Variants in FARS2 observed in about 807,000 individuals in gnomAD.
FARS2 encodes the protein phenylalanine--tRNA ligase, mitochondrial.
A neutral mutation model predicts 46.4 loss-of-function variants in FARS2; 40 were observed. The ratio of observed to expected loss-of-function variants is 0.86; its 90% CI spans 0.67 to 1.12. The LOEUF (loss-of-function observed/expected upper bound fraction) is 1.12. Among genes scored for constraint, FARS2 ranks in the 50% most tolerant of loss-of-function variants. FARS2 has a pLI of 0.00. For missense variants in FARS2, 513 were observed against 567.9 expected, an observed-to-expected ratio of 0.90 and a Z score of 0.98; for synonymous variants, 234 against 214.9, an observed-to-expected ratio of 1.09 and a Z score of -0.78.
intron 1 of FARS2, among the ~76,000 whole-genome samples, chr6:5,355,196 T>G (rs1403397555): frequency 6.6e-6 from 1 of 152,134 alleles, no homozygotes; most frequent in Non-Finnish European, 1.5e-5. Flanking sequence ...ATTCTCTGTG[T>G]GATTCTTCCA....
chr6:5,523,805 G>A (rs1769295751), intron 4 of FARS2, among the ~76,000 whole-genome samples: 1 of 152,182 alleles, frequency 6.6e-6, no homozygotes, highest in African/African-American at 2.4e-5. Context: ...GGTTTGTCAG[G>A]TATGGATGAT....
At chr6:5,254,736 T>G in the FARS2 span, among the ~76,000 whole-genome samples, 1 of 152,200 alleles carries the variant, frequency 6.6e-6, no homozygotes, top group Non-Finnish European at 1.5e-5. Context: ...CAACTTGCCC[T>G]CTTCTCCTTC....
intron 4 of FARS2, among the ~76,000 whole-genome samples, chr6:5,438,098 T>C (rs1420420977): frequency 3.9e-5 from 6 of 152,042 alleles, no homozygotes. Context: ...GTCTTCTGCC[T>C]CTATAGTTCT....
chr6:5,567,563 G>A (rs971075993), intron 5 of FARS2, among the ~76,000 whole-genome samples: 3 of 152,120 alleles, frequency 2.0e-5, no homozygotes, highest in African/African-American at 7.2e-5. Context: ...TTGTCTTGCT[G>A]TTACTCTTCT....
intron 3 of FARS2, among the ~76,000 whole-genome samples, chr6:5,422,758 A>G (rs747311583): frequency 3.3e-5 from 5 of 152,212 alleles, no homozygotes; most frequent in South Asian, 2.1e-4. Context: ...AGTAAATGTC[A>G]GTTACCCAGG....
At chr6:5,367,509 G>T (rs995696709) in intron 1 of FARS2, among the ~76,000 whole-genome samples, 1 of 151,932 alleles carries the variant, frequency 6.6e-6, no homozygotes, top group Non-Finnish European at 1.5e-5. Flanking sequence ...GCCCTTTGCG[G>T]TTGTCTTATT....
chr6:5,520,610 A>C (rs559605242), intron 4 of FARS2, among the ~76,000 whole-genome samples: 31 of 152,316 alleles, frequency 2.0e-4, no homozygotes, highest in African/African-American at 6.7e-4. Flanking sequence ...TTCCTCTGTC[A>C]TCAGCGCATG....
chr6:5,655,779 T>C (rs1777578951), intron 6 of FARS2, among the ~76,000 whole-genome samples: 4 of 152,190 alleles, frequency 2.6e-5, no homozygotes, highest in Admixed American at 2.6e-4. Flanking sequence ...GAATTGGAGG[T>C]AGGTGTCTTT....
At chr6:5,584,820 A>G (rs1324257886) in intron 5 of FARS2, among the ~76,000 whole-genome samples, 2 of 152,238 alleles carry the variant, frequency 1.3e-5, no homozygotes, top group African/African-American at 2.4e-5. Context: ...TGTGAAATGC[A>G]TAATTAGAAA....
intron 3 of FARS2, among the ~76,000 whole-genome samples, chr6:5,417,300 T>TC (rs1762294104): frequency 2.6e-5 from 4 of 152,116 alleles, no homozygotes; most frequent in Admixed American, 2.6e-4. Flanking sequence ...CACTGCAGCC[T>TC]CCAAGTCCTG....
At position 5,696,718 on chromosome 6, in the gene FARS2, A is replaced by G. The variant is rs558486429; in HGVS notation, c.1218-74573A>G. Among the ~76,000 whole-genome samples, 202 of 152,354 alleles carry G rather than the reference A, an allele frequency of 1.3e-3. 1 individual carries two copies. The highest frequency in any genetic ancestry group is 2.2e-3 in the Non-Finnish European group (150 of 68,028). ...ACTGAGGACTGGAATTGAGGGTATT[A>G]TCTACTTTGCAGTTCATATGCATAC... On this transcript the variant is annotated intron_variant, in intron 6 of 6. Coordinates refer to ENST00000274680, the MANE Select transcript of FARS2 (RefSeq NM_006567.5).
intron 1 of FARS2, among the ~76,000 whole-genome samples, chr6:5,264,910 C>T (rs1429782089): frequency 6.6e-6 from 1 of 151,858 alleles, no homozygotes; most frequent in Non-Finnish European, 1.5e-5. Flanking sequence ...TTTCCTGCCT[C>T]AGCCTCCTGA....
At chr6:5,650,793 C>G (rs1331706540) in intron 6 of FARS2, among the ~76,000 whole-genome samples, 1 of 152,144 alleles carries the variant, frequency 6.6e-6, no homozygotes, top group African/African-American at 2.4e-5. Context: ...GGACACATTT[C>G]CAATAAACAA....
At chr6:5,715,161 G>A (rs1388971179) in intron 6 of FARS2, among the ~76,000 whole-genome samples, 2 of 152,136 alleles carry the variant, frequency 1.3e-5, no homozygotes, top group Non-Finnish European at 2.9e-5. Flanking sequence ...ACATTTGAGG[G>A]AACTAGGGTT....
At chr6:5,750,034 A>G (rs971092839) in intron 6 of FARS2, among the ~76,000 whole-genome samples, 4 of 152,282 alleles carry the variant, frequency 2.6e-5, no homozygotes, top group African/African-American at 9.6e-5. Flanking sequence ...TGTGGGCCAA[A>G]CATCATGCCA....
intron 2 of FARS2, among the ~76,000 whole-genome samples, chr6:5,394,672 T>G (rs1760784791): frequency 6.6e-6 from 1 of 152,204 alleles, no homozygotes. Context: ...TCTGCTGTTT[T>G]TCTTGTACCT....
chr6:5,664,943 G>A (rs1407373464), intron 6 of FARS2: 4 of 152,224 alleles, frequency 2.6e-5, no homozygotes, highest in African/African-American at 9.7e-5. Context: ...TTCATATACA[G>A]TGATGCTGAG....
At chr6:5,483,646 G>A (rs1414503822) in intron 4 of FARS2, among the ~76,000 whole-genome samples, 1 of 151,932 alleles carries the variant, frequency 6.6e-6, no homozygotes, top group African/African-American at 2.4e-5. Context: ...CAGCCTGGGT[G>A]ACAGAGTGAG....
chr6:5,429,497 T>C (rs1404952637), intron 3 of FARS2, among the ~76,000 whole-genome samples: 2 of 152,206 alleles, frequency 1.3e-5, no homozygotes, highest in Non-Finnish European at 2.9e-5. Context: ...GGCAATTATG[T>C]TTTAACTGTC....
Sources: allele counts gnomAD v4.1 joint callset (sites outside exome capture counted in the v4.1 genomes callset), GRCh38; gene constraint gnomAD v4.1.1; transcripts MANE v1.5; gene names NCBI Gene and HGNC (gene_info 2026-07-23, HGNC 2026-07-21).